RIMS2: variants seen among roughly 807,000 people sequenced by gnomAD.
The protein encoded by RIMS2 is regulating synaptic membrane exocytosis 2, also known as regulating synaptic membrane exocytosis protein 2.
In RIMS2, 59 loss-of-function variants were observed where a neutral mutation model predicts 174.4. That is an observed-to-expected ratio of 0.34 (90% confidence interval 0.27 to 0.42). The LOEUF (loss-of-function observed/expected upper bound fraction) is 0.42, where lower values mean the gene tolerates loss of function less well. Among genes scored for constraint, RIMS2 ranks in the 10% least tolerant of loss-of-function variants. The pLI is 1.00. For synonymous variants in RIMS2, 606 were observed against 572.5 expected (o/e 1.06, Z -0.84); for missense variants, 1,620 against 1,666.3 (o/e 0.97, Z 0.48).
chr8:103,540,142 C>T (rs564921927), intron 1 of RIMS2, among the ~76,000 whole-genome samples: 2 of 152,356 alleles, frequency 1.3e-5, no homozygotes, highest in East Asian at 1.9e-4. Flanking sequence ...ATAGGTACTC[C>T]ACACGTTTGT....
chr8:104,020,987 A>G (rs1278942511), intron 19 of RIMS2, among the ~76,000 whole-genome samples: 1 of 152,070 alleles, frequency 6.6e-6, no homozygotes, highest in Non-Finnish European at 1.5e-5. Context: ...AAATATGTCT[A>G]CATATATTGA....
At chr8:104,081,533 C>A (rs2097420800) in intron 19 of RIMS2, among the ~76,000 whole-genome samples, 1 of 151,848 alleles carries the variant, frequency 6.6e-6, no homozygotes, top group Non-Finnish European at 1.5e-5. Context: ...TTAAGCATAT[C>A]CCTAAAGTTG....
chr8:104,004,870 TAGAG>T (rs77379485), intron 17 of RIMS2, among the ~76,000 whole-genome samples: 4,519 of 152,078 alleles, frequency 0.03, 108 homozygotes, highest in Middle Eastern at 0.051. Context: ...AGGATGCTAA[TAGAG>T]AGAAATTAAG....
intron 2 of RIMS2, among the ~76,000 whole-genome samples, chr8:103,741,473 G>GT (rs2097761218): frequency 1.3e-5 from 2 of 151,912 alleles, no homozygotes; most frequent in South Asian, 4.2e-4. Flanking sequence ...ATTAATTTAG[G>GT]TTTTTTTCTC....
At chr8:103,868,314 C>T (rs550793782) in intron 3 of RIMS2, among the ~76,000 whole-genome samples, 46 of 152,112 alleles carry the variant, frequency 3.0e-4, no homozygotes, top group African/African-American at 1.1e-3. Context: ...AACTTGGATT[C>T]TTTTGACTAG....
At chr8:104,179,816 C>T (rs1005592015) in intron 19 of RIMS2, among the ~76,000 whole-genome samples, 7 of 151,150 alleles carry the variant, frequency 4.6e-5, no homozygotes, top group African/African-American at 1.7e-4. Flanking sequence ...CAAAATAATA[C>T]AAATACCTAT....
intron 19 of RIMS2, among the ~76,000 whole-genome samples, chr8:104,046,374 A>G (rs4734744): frequency 0.23 from 34,536 of 151,978 alleles, 4,492 homozygotes; most frequent in Non-Finnish European, 0.28. Flanking sequence ...GGGTTTCAAC[A>G]TGAATTTTGA....
chr8:103,525,875 A>G lies in RIMS2; in HGVS notation c.176+24813A>G, dbSNP rs533289945. ...TTAGGCAATTTGGACTAACTCTTCC[A>G]CTGAGAACAACTAGAAAAGCTGGAT... On this transcript the variant is annotated intron_variant, in intron 1 of 23. Coordinates refer to ENST00000504942, the Ensembl canonical transcript of RIMS2. 3.3e-5 allele frequency among the ~76,000 whole-genome samples: 5 copies of G among 152,326 alleles called. No individual in the cohort carries two copies. In the South Asian group the frequency reaches 8.3e-4, roughly 25 times the overall value.
intron 12 of RIMS2, among the ~76,000 whole-genome samples, chr8:103,934,504 C>T (rs1021520196): frequency 6.6e-6 from 1 of 152,034 alleles, no homozygotes; most frequent in African/African-American, 2.4e-5. Flanking sequence ...TGCTTGGGTA[C>T]ATACTAAATT....
At chr8:103,800,743 T>A (rs1592715714) in intron 3 of RIMS2, among the ~76,000 whole-genome samples, 2 of 152,310 alleles carry the variant, frequency 1.3e-5, no homozygotes, top group African/African-American at 4.8e-5. Flanking sequence ...ATACTTTGTT[T>A]GAAATTTTTA....
chr8:103,821,006 T>G (rs887011569), intron 3 of RIMS2, among the ~76,000 whole-genome samples: 3 of 151,630 alleles, frequency 2.0e-5, no homozygotes, highest in African/African-American at 7.2e-5. Flanking sequence ...ACTCATCCTT[T>G]ATAAACCTTT....
chr8:104,132,489 C>T (rs1446957705), intron 19 of RIMS2, among the ~76,000 whole-genome samples: 1 of 152,112 alleles, frequency 6.6e-6, no homozygotes, highest in Non-Finnish European at 1.5e-5. Flanking sequence ...CATGGAACTA[C>T]CTTTTAATAG....
chr8:103,733,176 A>G (rs891285496), intron 2 of RIMS2, among the ~76,000 whole-genome samples: 1 of 152,040 alleles, frequency 6.6e-6, no homozygotes, highest in African/African-American at 2.4e-5. Flanking sequence ...GTTCTCTTCA[A>G]GGCAGCGGGT....
chr8:103,558,470 C>T (rs1391479894), intron 1 of RIMS2, among the ~76,000 whole-genome samples: 1 of 152,152 alleles, frequency 6.6e-6, no homozygotes, highest in Non-Finnish European at 1.5e-5. Flanking sequence ...GTGATCTGCC[C>T]ACCTCGGCCT....
chr8:103,548,408 T>C (rs764837665), intron 1 of RIMS2, among the ~76,000 whole-genome samples: 3 of 152,052 alleles, frequency 2.0e-5, no homozygotes, highest in Non-Finnish European at 4.4e-5. Flanking sequence ...ATTCACCACA[T>C]AAACAGAAAC....
intron 19 of RIMS2, among the ~76,000 whole-genome samples, chr8:104,230,795 A>G (rs923401711): frequency 6.6e-6 from 1 of 152,252 alleles, no homozygotes; most frequent in African/African-American, 2.4e-5. Flanking sequence ...AGAGCTGGAG[A>G]AAGCTTATCT....
At chr8:103,981,284 G>T (rs1565658670) in intron 16 of RIMS2, among the ~76,000 whole-genome samples, 1 of 152,158 alleles carries the variant, frequency 6.6e-6, no homozygotes, top group Non-Finnish European at 1.5e-5. Flanking sequence ...AAAAGAATAA[G>T]AGTCTCTGGT....
chr8:104,197,982 A>T (rs569186677), intron 19 of RIMS2, among the ~76,000 whole-genome samples: 5 of 151,888 alleles, frequency 3.3e-5, no homozygotes, highest in East Asian at 1.9e-4. Flanking sequence ...TAAAATAAAA[A>T]TTTTTTAAAA....
intron 1 of RIMS2, among the ~76,000 whole-genome samples, chr8:103,614,368 T>G (rs1161220266): frequency 6.6e-6 from 1 of 152,268 alleles, no homozygotes; most frequent in Non-Finnish European, 1.5e-5. Context: ...CTCCCTTCCC[T>G]AAGTGCACAG....
Sources: gnomAD v4.1 joint callset for allele counts (sites outside exome capture counted in the v4.1 genomes callset) on GRCh38, gnomAD v4.1.1 for gene constraint, MANE v1.5 for transcripts, NCBI Gene and HGNC (gene_info 2026-07-23, HGNC 2026-07-21) for gene names.